MDGA2: variants seen among roughly 807,000 people sequenced by gnomAD.
The protein encoded by MDGA2 is MAM domain containing glycosylphosphatidylinositol anchor 2.
Under a neutral mutation model 117.8 loss-of-function variants are expected in MDGA2, and 40 were observed. That is an observed-to-expected ratio of 0.34 (90% CI 0.26 to 0.44). The LOEUF is 0.44. Among genes scored for constraint, MDGA2 ranks in the 20% least tolerant of loss-of-function variants. MDGA2 has a pLI of 1.00. For missense variants in MDGA2, 1,123 were observed against 1,250.6 expected, an observed-to-expected ratio of 0.90 and a Z score of 1.54; for synonymous variants, 452 against 439.0, an observed-to-expected ratio of 1.03 and a Z score of -0.37.
chr14:47,585,186 G>A (rs1594930148), intron 1 of MDGA2, among the ~76,000 whole-genome samples: 2 of 151,742 alleles, frequency 1.3e-5, no homozygotes, highest in African/African-American at 4.8e-5. Flanking sequence ...AAAATATATT[G>A]AGTGACTATT....
intron 1 of MDGA2, among the ~76,000 whole-genome samples, chr14:47,412,243 A>G (rs1221111492): frequency 6.6e-6 from 1 of 152,204 alleles, no homozygotes; most frequent in African/African-American, 2.4e-5. Flanking sequence ...GCAGACAACT[A>G]TTTAGAAGAA....
Position 47,096,917 on chromosome 14 carries a change from T to C in MDGA2, c.1132A>G (p.Ser378Gly), listed in dbSNP as rs749450348. ...AITSDDAGTY[S>G]CIANNNVGNP... ...CCCACATTATTATTGGCAATGCAGC[T>C]GTAAGTACCAGCATCATCTGAGGTG... The change falls in exon 6 of 17, where the codon AGC (serine) becomes GGC (glycine). Residue 378 changes from serine to glycine, a missense_variant. By Grantham distance (56) the Ser-to-Gly change is moderately conservative. Coordinates refer to ENST00000399232, the MANE Select transcript of MDGA2 (RefSeq NM_001113498.3). 1 of 1,613,334 alleles carries C rather than the reference T, an allele frequency of 6.2e-7. No homozygotes were observed. Among genetic ancestry groups the C allele is most frequent in the South Asian group, 1.1e-5 (1 of 91,062 alleles).
intron 1 of MDGA2, among the ~76,000 whole-genome samples, chr14:47,671,830 C>T (rs952285753): frequency 2.0e-5 from 3 of 152,066 alleles, no homozygotes; most frequent in African/African-American, 7.2e-5. Flanking sequence ...CAATTGATTC[C>T]TTTTTTTGAT....
intron 8 of MDGA2, among the ~76,000 whole-genome samples, chr14:47,011,229 A>G (rs1380710771): frequency 2.0e-5 from 3 of 151,970 alleles, no homozygotes; most frequent in African/African-American, 7.2e-5. Context: ...GACTTCCCAC[A>G]TAGCATGAAA....
At chr14:47,025,122 A>G (rs1255806993) in intron 8 of MDGA2, among the ~76,000 whole-genome samples, 1 of 152,224 alleles carries the variant, frequency 6.6e-6, no homozygotes, top group Non-Finnish European at 1.5e-5. Flanking sequence ...GCAGAAAAAT[A>G]TAAGAGTAAA....
At chr14:47,646,898 G>A (rs79747676) in intron 1 of MDGA2, among the ~76,000 whole-genome samples, 5 of 152,134 alleles carry the variant, frequency 3.3e-5, no homozygotes, top group Admixed American at 6.5e-5. Flanking sequence ...AGTGCTTTGT[G>A]TGATTAATAT....
chr14:46,877,917 T>C (rs1882295390), intron 11 of MDGA2, among the ~76,000 whole-genome samples: 1 of 151,906 alleles, frequency 6.6e-6, no homozygotes, highest in Non-Finnish European at 1.5e-5. Flanking sequence ...TTTCCACTTT[T>C]GTTTTTTGCT....
intron 15 of MDGA2, among the ~76,000 whole-genome samples, chr14:46,851,930 C>T (rs1036672790): frequency 2.9e-4 from 44 of 149,922 alleles, no homozygotes; most frequent in African/African-American, 1.1e-3. Flanking sequence ...TTTTATAAAA[C>T]AATTCAAAAC....
intron 1 of MDGA2, among the ~76,000 whole-genome samples, chr14:47,651,213 G>GGTGTGTGT (rs56853118): frequency 0.069 from 10,069 of 146,404 alleles, 351 homozygotes; most frequent in East Asian, 0.11. Flanking sequence ...GTGTGCATGT[G>GGTGTGTGT]GTGTGTGTGT....
intron 9 of MDGA2, among the ~76,000 whole-genome samples, chr14:46,938,365 C>T (rs1884860383): frequency 6.6e-6 from 1 of 150,914 alleles, no homozygotes; most frequent in South Asian, 2.1e-4. Flanking sequence ...ATGGTAAAAC[C>T]CCTTCTCTAC....
chr14:47,204,725 T>C (rs1885621012), intron 3 of MDGA2, among the ~76,000 whole-genome samples: 1 of 151,924 alleles, frequency 6.6e-6, no homozygotes, highest in Admixed American at 6.6e-5. Flanking sequence ...ATTCACTATG[T>C]TATTAATAAA....
chr14:47,247,306 ATTT>A lies in MDGA2; in HGVS notation c.421-29114_421-29112del, dbSNP rs11312463. ...TCCCATAGTGCTGATATAGTTTCAT[ATTT>A]TTTTTTTTTTTTTGAGACAGGGTCT... On this transcript the variant is annotated intron_variant, in intron 2 of 16. Coordinates refer to ENST00000399232, the MANE Select transcript of MDGA2 (RefSeq NM_001113498.3). 4.0e-4 allele frequency among the ~76,000 whole-genome samples: 56 copies of A among 140,376 alleles called. No homozygotes were observed. The South Asian group carries it at 6.6e-3, about 17-fold the overall frequency. The allele number at this position is 140,376 out of a possible 152,430, so 92.1% of individuals were successfully genotyped here. A position where few individuals can be genotyped will look rare whatever the true frequency, so the allele number is the denominator to read the frequency against.
At chr14:46,982,233 C>A (rs1402022191) in intron 8 of MDGA2, among the ~76,000 whole-genome samples, 1 of 151,830 alleles carries the variant, frequency 6.6e-6, no homozygotes. Context: ...GTATGGTAAC[C>A]GTATAATTTA....
intron 9 of MDGA2, among the ~76,000 whole-genome samples, chr14:46,938,470 G>T (rs1430745595): frequency 6.9e-6 from 1 of 143,954 alleles, no homozygotes; most frequent in Non-Finnish European, 1.5e-5. Flanking sequence ...AACCCTGGAG[G>T]TGGAGGTTGC....
intron 7 of MDGA2, among the ~76,000 whole-genome samples, chr14:47,046,965 C>T (rs1889287937): frequency 6.6e-6 from 1 of 152,118 alleles, no homozygotes; most frequent in African/African-American, 2.4e-5. Flanking sequence ...ACATATGTTA[C>T]AATTTGTACC....
intron 8 of MDGA2, among the ~76,000 whole-genome samples, chr14:47,009,961 T>C (rs1465302612): frequency 6.6e-6 from 1 of 152,052 alleles, no homozygotes; most frequent in Non-Finnish European, 1.5e-5. Context: ...CTCTGTCCCT[T>C]ACCCCCCTTT....
intron 4 of MDGA2, among the ~76,000 whole-genome samples, chr14:47,141,324 C>G (rs747569312): frequency 6.6e-6 from 1 of 152,034 alleles, no homozygotes; most frequent in East Asian, 1.9e-4. Context: ...GACAGTATGT[C>G]GAGGAGATAC....
intron 1 of MDGA2, among the ~76,000 whole-genome samples, chr14:47,562,284 A>G (rs1043584081): frequency 6.6e-6 from 1 of 152,130 alleles, no homozygotes; most frequent in Non-Finnish European, 1.5e-5. Context: ...AATGTTTTGG[A>G]ATAGTTTCAG....
At chr14:47,159,522 T>A (rs1883544734) in intron 3 of MDGA2, among the ~76,000 whole-genome samples, 1 of 152,192 alleles carries the variant, frequency 6.6e-6, no homozygotes, top group Admixed American at 6.5e-5. Context: ...GGTTTGTAAC[T>A]AGTTGTATCG....
Sources: allele counts gnomAD v4.1 joint callset (sites outside exome capture counted in the v4.1 genomes callset), GRCh38; gene constraint gnomAD v4.1.1; transcripts MANE v1.5; gene names NCBI Gene and HGNC (gene_info 2026-07-23, HGNC 2026-07-21).